Variants in FNDC1 observed in about 807,000 individuals in gnomAD.
FNDC1 encodes the protein fibronectin type III domain containing 1.
FNDC1 carries 96 observed loss-of-function variants against 168.0 expected under a neutral mutation model. That is an observed-to-expected ratio of 0.57 (90% CI 0.48 to 0.68). The LOEUF (loss-of-function observed/expected upper bound fraction) is 0.68, where lower values mean the gene tolerates loss of function less well. Among genes scored for constraint, FNDC1 ranks in the 30% least tolerant of loss-of-function variants. FNDC1 has a pLI of 0.00. For missense variants in FNDC1, 2,587 were observed against 2,482.1 expected, an observed-to-expected ratio of 1.04 and a Z score of -0.90; for synonymous variants, 1,099 against 1,025.9, an observed-to-expected ratio of 1.07 and a Z score of -1.36.
intron 4 of FNDC1, among the ~76,000 whole-genome samples, chr6:159,214,021 T>G (rs73021889): frequency 6.6e-5 from 10 of 152,336 alleles, no homozygotes; most frequent in Admixed American, 1.3e-4. Flanking sequence ...TCTAATAAAA[T>G]TAGTCAGAAT....
At chr6:159,183,783 T>C (rs1238132659) in intron 1 of FNDC1, among the ~76,000 whole-genome samples, 3 of 152,162 alleles carry the variant, frequency 2.0e-5, no homozygotes, top group East Asian at 1.9e-4. Context: ...GAGGAGGCGC[T>C]CACTGTTGTC....
intron 11 of FNDC1, 131 bp from the exon 12 acceptor site, chr6:159,236,084 A>T (rs1783249101): frequency 3.3e-6 from 2 of 604,012 alleles, no homozygotes; most frequent in African/African-American, 3.7e-5. Context: ...TATTTGAGCT[A>T]TTGGTTTAAA....
chr6:159,204,784 C>T lies in FNDC1; in HGVS notation c.460+4203C>T, dbSNP rs1344285522. Among the ~76,000 whole-genome samples the T allele has an allele frequency of 2.0e-5, 3 of 152,338 alleles. No homozygotes were observed. The East Asian group carries it at 5.8e-4, about 29-fold the overall frequency. On this transcript the variant is annotated intron_variant, in intron 4 of 22. Transcript: ENST00000297267. Reference sequence around the variant, plus strand: ...CTGGTTTTCTCACTTCATCCAGGTCCTCAGTGCTGCTTGGCCACTTCCTGA... The same window carrying T: ...CTGGTTTTCTCACTTCATCCAGGTCTTCAGTGCTGCTTGGCCACTTCCTGA...
intron 4 of FNDC1, among the ~76,000 whole-genome samples, chr6:159,212,833 G>T (rs1318965139): frequency 2.0e-5 from 3 of 152,250 alleles, no homozygotes; most frequent in Non-Finnish European, 1.5e-5. Context: ...AGGTTGGGAG[G>T]TTGGTGGGAT....
intron 14 of FNDC1, among the ~76,000 whole-genome samples, chr6:159,242,323 C>T (rs942211292): frequency 8.5e-5 from 13 of 152,064 alleles, no homozygotes; most frequent in African/African-American, 2.2e-4. Context: ...CATACAGTGG[C>T]GCCTGTCAGA....
chr6:159,234,182 A>G lies in FNDC1; in HGVS notation c.3670A>G (p.Arg1224Gly). The change falls in exon 11 of 23, where the codon AGG (arginine) becomes GGG (glycine). Residue 1224 changes from arginine to glycine, a missense_variant. Physicochemically the swap from Arg to Gly is moderately radical, Grantham distance 125. Coordinates refer to ENST00000297267, the MANE Select transcript of FNDC1 (RefSeq NM_032532.3). The stretch of plus-strand genomic sequence containing the variant: ...CGATGGGAGCCTCGCCAAGGAAGAG[A>G]GGGAGCCTGCCATCGCGCTTGCCCC... ...DADGSLAKEE[R>G]EPAIALAPRG... The G allele has an allele frequency of 1.3e-6, 2 of 1,599,792 alleles. No individual in the cohort carries two copies. Among genetic ancestry groups the G allele is most frequent in the Middle Eastern group, 3.3e-4 (2 of 6,042 alleles).
intron 17 of FNDC1, among the ~76,000 whole-genome samples, chr6:159,255,078 T>TG (rs1276968986): frequency 6.6e-6 from 1 of 152,218 alleles, no homozygotes; most frequent in East Asian, 1.9e-4. Flanking sequence ...ACAGGAGAGA[T>TG]GTGTTGAATA....
At chr6:159,177,580 C>CAGG (rs60181197) in intron 1 of FNDC1, among the ~76,000 whole-genome samples, 3,609 of 152,164 alleles carry the variant, frequency 0.024, 125 homozygotes, top group African/African-American at 0.081. Flanking sequence ...TCTGAAGAAT[C>CAGG]AGGAGAAGCT....
At chr6:159,180,145 T>G (rs1781850281) in intron 1 of FNDC1, among the ~76,000 whole-genome samples, 1 of 152,222 alleles carries the variant, frequency 6.6e-6, no homozygotes, top group South Asian at 2.1e-4. Context: ...GGGCCAGTCA[T>G]GCTCTCTTGG....
chr6:159,192,241 C>T (rs931708108), intron 1 of FNDC1, among the ~76,000 whole-genome samples: 3 of 152,148 alleles, frequency 2.0e-5, no homozygotes, highest in Non-Finnish European at 4.4e-5. Context: ...TCATCTTTTT[C>T]CTTTTACCTA....
At chr6:159,246,763 T>C (rs1036543758) in intron 14 of FNDC1, 138 bp from the exon 15 acceptor site, 19 of 620,540 alleles carry the variant, frequency 3.1e-5, no homozygotes, top group Non-Finnish European at 5.2e-5. Flanking sequence ...CCTGAAAAAA[T>C]TATGGAGACC....
chr6:159,247,353 C>G (rs960675864), intron 15 of FNDC1, among the ~76,000 whole-genome samples: 3 of 152,066 alleles, frequency 2.0e-5, no homozygotes, highest in Non-Finnish European at 4.4e-5. Flanking sequence ...TCTTCTCTTT[C>G]TTATTCCTTT....
chr6:159,211,204 C>A (rs763611220), intron 4 of FNDC1, among the ~76,000 whole-genome samples: 9 of 152,162 alleles, frequency 5.9e-5, no homozygotes, highest in Non-Finnish European at 1.0e-4. Context: ...GAGATCAGGA[C>A]CATCTTTGTG....
At position 159,233,954 on chromosome 6, in the gene FNDC1, G is replaced by A; in HGVS notation, c.3442G>A (p.Ala1148Thr). 1 of 1,572,456 alleles carries A rather than the reference G, an allele frequency of 6.4e-7. No homozygotes were observed. Among genetic ancestry groups the A allele is most frequent in the Middle Eastern group, 1.7e-4 (1 of 5,944 alleles). Residue 1148 changes from alanine (A) to threonine (T), a missense_variant, in exon 11 of 23, where the codon GCC becomes ACC. By Grantham distance (58) the Ala-to-Thr change is moderately conservative (BLOSUM62 0). Coordinates refer to ENST00000297267, the MANE Select transcript of FNDC1 (RefSeq NM_032532.3). The surrounding 1 kb of genome is among the most constrained non-coding windows in gnomAD (Gnocchi z 4.6). ...PSRPGGPQSR[A>T]RVPSRAAPGK... ...CCGACCCGGCGGCCCCCAGTCCCGCGCCCGGGTACCCAGCAGGGCAGCGCC... is the reference window on the plus strand; with the variant it reads ...CCGACCCGGCGGCCCCCAGTCCCGCACCCGGGTACCCAGCAGGGCAGCGCC...
At chr6:159,228,101 C>A (rs1184992807) in intron 9 of FNDC1, among the ~76,000 whole-genome samples, 2 of 152,156 alleles carry the variant, frequency 1.3e-5, no homozygotes, top group African/African-American at 4.8e-5. Context: ...CCTCTGGTGA[C>A]TTTATTCCCA....
At chr6:159,261,115 T>C in intron 18 of FNDC1, 75 bp from the exon 19 acceptor site, 1 of 1,099,924 alleles carries the variant, frequency 9.1e-7, no homozygotes, top group Non-Finnish European at 1.4e-6. Flanking sequence ...AGGTGTTCAG[T>C]AGTTTGGGAG....
At chr6:159,176,466 C>CAGCTATAT (rs1195919169) in intron 1 of FNDC1, among the ~76,000 whole-genome samples, 3 of 152,140 alleles carry the variant, frequency 2.0e-5, no homozygotes, top group Non-Finnish European at 4.4e-5. Flanking sequence ...AGGTCAAGGC[C>CAGCTATAT]AGCTATATTT....
intron 22 of FNDC1, 141 bp downstream of exon 22, chr6:159,268,067 T>A: frequency 1.1e-6 from 1 of 897,996 alleles, no homozygotes; most frequent in South Asian, 1.6e-5. Flanking sequence ...TAAAAATAAA[T>A]AAAATAAAGA....
At chr6:159,230,859 G>T (rs781740096) in intron 10 of FNDC1, among the ~76,000 whole-genome samples, 8 of 152,090 alleles carry the variant, frequency 5.3e-5, no homozygotes, top group East Asian at 1.9e-4. Context: ...TGCAATATAG[G>T]TTCCTCTCCC....
Sources: gnomAD v4.1 joint callset for allele counts (sites outside exome capture counted in the v4.1 genomes callset) on GRCh38, gnomAD v4.1.1 for gene constraint, Gnocchi (gnomAD v3.1) non-coding constraint, MANE v1.5 for transcripts, NCBI Gene and HGNC (gene_info 2026-07-23, HGNC 2026-07-21) for gene names.